COL14A1: variants seen among roughly 807,000 people sequenced by gnomAD.
COL14A1 encodes collagen alpha-1(XIV) chain.
Under a neutral mutation model 230.3 loss-of-function variants are expected in COL14A1, and 136 were observed. The ratio of observed to expected loss-of-function variants is 0.59; its 90% CI spans 0.51 to 0.68. COL14A1 has a LOEUF of 0.68. Ranked by LOEUF, COL14A1 falls within the 30% of genes least tolerant of loss-of-function variation. The probability of loss-of-function intolerance (pLI) is 0.00; values close to 1 mark genes in which losing one functional copy is unlikely to be tolerated. For missense variants in COL14A1, 1,976 were observed against 2,215.8 expected (o/e 0.89, Z 2.17); for synonymous variants, 792 against 784.1 (o/e 1.01, Z -0.17).
intron 33 of COL14A1, 59 bp from the exon 34 acceptor site, chr8:120,289,549 A>G: frequency 7.0e-7 from 1 of 1,425,382 alleles, no homozygotes; most frequent in Non-Finnish European, 9.7e-7. Flanking sequence ...ACAATTATAC[A>G]AATTTGGTTG....
chr8:120,214,983 A>G (rs537186684), intron 13 of COL14A1, among the ~76,000 whole-genome samples: 2 of 152,336 alleles, frequency 1.3e-5, no homozygotes, highest in South Asian at 4.1e-4. Flanking sequence ...CATGCGTGGC[A>G]GGTTCCAGTC....
chr8:120,208,347 G>T lies in COL14A1; in HGVS notation c.1307G>T (p.Gly436Val). The change falls in exon 11 of 48, where the codon GGA becomes GTA. Residue 436 changes from glycine to valine, a missense_variant. Coordinates refer to ENST00000297848, the MANE Select transcript of COL14A1 (RefSeq NM_021110.4). ...YAHTASEGLR[G>V]TETTLALPMA... Reference sequence around the variant, plus strand: ...CACACTGCTAGTGAAGGCCTACGGGGAACTGAAACTACACGTATGTATTTA... The same window carrying T: ...CACACTGCTAGTGAAGGCCTACGGGTAACTGAAACTACACGTATGTATTTA... 6.2e-7 allele frequency: 1 copy of T among 1,612,554 alleles called. No individual in the cohort carries two copies. The highest frequency in any genetic ancestry group is 1.1e-5 in the South Asian group (1 of 90,872).
chr8:120,363,466 G>A (rs1446460036), intron 45 of COL14A1, among the ~76,000 whole-genome samples: 1 of 152,178 alleles, frequency 6.6e-6, no homozygotes, highest in Non-Finnish European at 1.5e-5. Flanking sequence ...AATAGCTAAT[G>A]TGTGTGGGGC....
intron 23 of COL14A1, among the ~76,000 whole-genome samples, chr8:120,259,474 G>T (rs1372608470): frequency 6.6e-6 from 1 of 152,110 alleles, no homozygotes; most frequent in Admixed American, 6.6e-5. Flanking sequence ...CATTTGGTCA[G>T]TTTGAATGTT....
At chr8:120,350,123 A>C (rs1822693450) in intron 45 of COL14A1, among the ~76,000 whole-genome samples, 3 of 151,970 alleles carry the variant, frequency 2.0e-5, no homozygotes, top group African/African-American at 4.8e-5. Flanking sequence ...AGAATTTCAT[A>C]TCCAGCCAAA....
At chr8:120,165,253 T>C (rs1815825618) in intron 4 of COL14A1, among the ~76,000 whole-genome samples, 1 of 152,246 alleles carries the variant, frequency 6.6e-6, no homozygotes, top group Non-Finnish European at 1.5e-5. Flanking sequence ...TAGAAAACTT[T>C]CGTGGTTGGA....
In COL14A1 at chr8:120,270,020, A is replaced by G; in HGVS notation, c.3074-15A>G. ...TCCCCTTATCTCTGACTCAAAATTC[A>G]TTGTTGGTCTTCAGTATGTAAGGCG... On this transcript the variant is annotated splice_polypyrimidine_tract_variant and intron_variant, in intron 25 of 47. Transcript: ENST00000297848. 1.2e-6 allele frequency: 2 copies of G among 1,609,836 alleles called. No homozygotes were observed. The highest frequency in any genetic ancestry group is 1.1e-5 in the South Asian group (1 of 90,676).
chr8:120,327,763 T>C (rs1323505969), intron 40 of COL14A1, among the ~76,000 whole-genome samples: 2 of 141,568 alleles, frequency 1.4e-5, no homozygotes, highest in African/African-American at 5.5e-5. Flanking sequence ...TATTTATTAG[T>C]GCAATACTTT....
intron 20 of COL14A1, 96 bp downstream of exon 20, chr8:120,244,104 T>A: frequency 7.2e-7 from 1 of 1,388,030 alleles, no homozygotes. Context: ...TAGATTGCAG[T>A]GAAGAAACTA....
intron 1 of COL14A1, among the ~76,000 whole-genome samples, chr8:120,128,584 G>C (rs1179101711): frequency 6.6e-6 from 1 of 152,042 alleles, no homozygotes; most frequent in African/African-American, 2.4e-5. Context: ...AAAATATAAA[G>C]ATTAGCTGGG....
chr8:120,284,532 G>T (rs1474109983), intron 32 of COL14A1, among the ~76,000 whole-genome samples: 1 of 152,152 alleles, frequency 6.6e-6, no homozygotes, highest in Non-Finnish European at 1.5e-5. Context: ...CCAAAATTTG[G>T]AGGCTATTAC....
At chr8:120,363,478 T>C (rs535635677) in intron 45 of COL14A1, among the ~76,000 whole-genome samples, 4 of 152,242 alleles carry the variant, frequency 2.6e-5, no homozygotes, top group Admixed American at 2.6e-4. Context: ...GTGTGGGGCT[T>C]AAAACCTAGG....
chr8:120,124,920 G>T (rs1355488264), upstream of COL14A1, among the ~76,000 whole-genome samples: 5 of 152,198 alleles, frequency 3.3e-5, 1 homozygote, highest in African/African-American at 1.2e-4. Context: ...CAGGTTCGGG[G>T]TAGGCGAGCG....
chr8:120,357,871 A>G (rs1199309548), intron 45 of COL14A1, among the ~76,000 whole-genome samples: 1 of 152,216 alleles, frequency 6.6e-6, no homozygotes, highest in Non-Finnish European at 1.5e-5. Context: ...CTTTAAAAAC[A>G]GTAGCAATTA....
chr8:120,170,198 ATACT>A (rs139058967), intron 5 of COL14A1, among the ~76,000 whole-genome samples: 35,864 of 151,568 alleles, frequency 0.24, 4,441 homozygotes, highest in African/African-American at 0.31. Flanking sequence ...TTTATATCTA[ATACT>A]TACTTCATTG....
At chr8:120,132,016 T>G (rs1287323288) in intron 1 of COL14A1, among the ~76,000 whole-genome samples, 3 of 151,738 alleles carry the variant, frequency 2.0e-5, no homozygotes, top group South Asian at 4.2e-4. Flanking sequence ...GCCCAGATAA[T>G]TTTTTATATT....
intron 19 of COL14A1, among the ~76,000 whole-genome samples, chr8:120,242,140 A>G (rs1406330225): frequency 6.6e-6 from 1 of 152,228 alleles, no homozygotes; most frequent in East Asian, 1.9e-4. Context: ...AATCCTCAAG[A>G]TACCTCATTA....
At chr8:120,321,575 G>A (rs1821445227) in intron 40 of COL14A1, among the ~76,000 whole-genome samples, 1 of 151,862 alleles carries the variant, frequency 6.6e-6, no homozygotes, top group Non-Finnish European at 1.5e-5. Context: ...CCGAGGAGGT[G>A]GAGATTGCAG....
chr8:120,311,147 A>G (rs1821022900), intron 37 of COL14A1, among the ~76,000 whole-genome samples: 1 of 152,170 alleles, frequency 6.6e-6, no homozygotes, highest in Non-Finnish European at 1.5e-5. Flanking sequence ...TTCAGACCAT[A>G]AGATGTCTCC....
Sources: gnomAD v4.1 joint callset for allele counts (sites outside exome capture counted in the v4.1 genomes callset) on GRCh38, gnomAD v4.1.1 for gene constraint, MANE v1.5 for transcripts, NCBI Gene and HGNC (gene_info 2026-07-23, HGNC 2026-07-21) for gene names.